ERBB4: variants seen among roughly 807,000 people sequenced by gnomAD.
ERBB4 encodes the protein receptor tyrosine-protein kinase erbB-4.
ERBB4 carries 42 observed loss-of-function variants against 158.0 expected under a neutral mutation model. The ratio of observed to expected loss-of-function variants is 0.27; its 90% CI spans 0.21 to 0.34. The LOEUF is 0.34. ERBB4 is among the 10% of genes least tolerant of loss of function. The probability of loss-of-function intolerance (pLI) is 1.00; values close to 1 mark genes in which losing one functional copy is unlikely to be tolerated. For synonymous variants in ERBB4, 583 were observed against 558.7 expected (o/e 1.04, Z -0.61); for missense variants, 1,333 against 1,624.1 (o/e 0.82, Z 3.08).
At position 212,538,649 on chromosome 2, in the gene ERBB4, GC is replaced by G; in HGVS notation, c.-120del. 9.9e-7 allele frequency: 1 copy of G among 1,011,860 alleles called. No homozygotes were observed. Among genetic ancestry groups the G allele is most frequent in the Admixed American group, 2.0e-5 (1 of 49,098 alleles). The allele number at this position is 1,011,860 out of a possible 1,614,324, so 62.7% of individuals were successfully genotyped here. Reference sequence around the variant, plus strand: ...GCGTGGGGGTGCGAGGGGGGCGGGCGCGGCGCGCGCGGTGTGGCGACTCCCA... The same window carrying G: ...GCGTGGGGGTGCGAGGGGGGCGGGCGGGCGCGCGCGGTGTGGCGACTCCCA... On this transcript the variant is annotated 5_prime_UTR_variant, in exon 1 of 28. Coordinates refer to ENST00000342788, the MANE Select transcript of ERBB4 (RefSeq NM_005235.3).
At chr2:211,705,259 T>G (rs1401272393) in intron 10 of ERBB4, 59 bp downstream of exon 10, 1 of 1,222,906 alleles carries the variant, frequency 8.2e-7, no homozygotes, top group Non-Finnish European at 1.2e-6. Context: ...GTCAATCTTG[T>G]GTAATTTTTA....
intron 19 of ERBB4, among the ~76,000 whole-genome samples, chr2:211,577,630 A>G (rs892783832): frequency 1.3e-5 from 2 of 152,164 alleles, no homozygotes; most frequent in African/African-American, 4.8e-5. Context: ...AACTGACTTC[A>G]TCCTTGGGAT....
At chr2:211,976,818 G>A (rs941416119) in intron 2 of ERBB4, among the ~76,000 whole-genome samples, 1 of 151,862 alleles carries the variant, frequency 6.6e-6, no homozygotes, top group African/African-American at 2.4e-5. Flanking sequence ...TTAAACTCAG[G>A]GCAAGCATCT....
intron 1 of ERBB4, among the ~76,000 whole-genome samples, chr2:212,206,368 T>A (rs1316434854): frequency 1.3e-5 from 2 of 152,180 alleles, no homozygotes; most frequent in South Asian, 2.1e-4. Context: ...ATTATGTAGT[T>A]ACATTTGTAA....
intron 2 of ERBB4, among the ~76,000 whole-genome samples, chr2:211,990,788 C>T (rs999101381): frequency 4.0e-5 from 6 of 151,656 alleles, no homozygotes; most frequent in Non-Finnish European, 7.4e-5. Flanking sequence ...GAAGACAAAA[C>T]GTAAGAAGTA....
chr2:211,441,281 C>G (rs151058726), intron 20 of ERBB4, among the ~76,000 whole-genome samples: 1 of 152,152 alleles, frequency 6.6e-6, no homozygotes, highest in African/African-American at 2.4e-5. Context: ...CTAATATTAC[C>G]ATAGAAGTAC....
chr2:211,474,541 T>C (rs894687975), intron 20 of ERBB4, among the ~76,000 whole-genome samples: 1 of 152,054 alleles, frequency 6.6e-6, no homozygotes, highest in African/African-American at 2.4e-5. Context: ...ATTTATGACT[T>C]GGGCTCTTGC....
chr2:211,648,286 T>G (rs1158890025), intron 16 of ERBB4, among the ~76,000 whole-genome samples: 1 of 151,780 alleles, frequency 6.6e-6, no homozygotes, highest in East Asian at 1.9e-4. Context: ...ATTGGTTGTA[T>G]TTTTCTTTTC....
At chr2:211,482,072 T>C (rs898153715) in intron 20 of ERBB4, among the ~76,000 whole-genome samples, 1 of 151,990 alleles carries the variant, frequency 6.6e-6, no homozygotes, top group African/African-American at 2.4e-5. Flanking sequence ...AAAACTGGAA[T>C]CCCAGAGAAG....
At chr2:211,852,498 A>G (rs543257717) in intron 3 of ERBB4, among the ~76,000 whole-genome samples, 1 of 152,018 alleles carries the variant, frequency 6.6e-6, no homozygotes, top group Admixed American at 6.6e-5. Context: ...TGGTTCTTGG[A>G]AACTGTGACT....
intron 25 of ERBB4, among the ~76,000 whole-genome samples, chr2:211,388,935 C>T (rs2062743161): frequency 6.6e-6 from 1 of 152,170 alleles, no homozygotes; most frequent in African/African-American, 2.4e-5. Flanking sequence ...AACACAGACC[C>T]AAATCGCTTG....
chr2:212,522,248 G>C (rs953613104), intron 1 of ERBB4, among the ~76,000 whole-genome samples: 2 of 151,902 alleles, frequency 1.3e-5, no homozygotes, highest in African/African-American at 4.8e-5. Flanking sequence ...GGATGGTAGT[G>C]TCCATATTGT....
intron 1 of ERBB4, among the ~76,000 whole-genome samples, chr2:212,133,212 C>G (rs1480769733): frequency 1.3e-5 from 2 of 152,020 alleles, no homozygotes; most frequent in Non-Finnish European, 2.9e-5. Flanking sequence ...CACTCCCCTA[C>G]TGAGAACAAC....
intron 20 of ERBB4, among the ~76,000 whole-genome samples, chr2:211,470,772 C>T (rs2064810187): frequency 6.6e-6 from 1 of 152,196 alleles, no homozygotes; most frequent in African/African-American, 2.4e-5. Context: ...TTCTACACAT[C>T]TCATTTTAAG....
intron 20 of ERBB4, among the ~76,000 whole-genome samples, chr2:211,471,003 T>G (rs553269878): frequency 6.6e-6 from 1 of 152,306 alleles, no homozygotes; most frequent in South Asian, 2.1e-4. Context: ...GTTATATCCC[T>G]TAACTGCACT....
chr2:211,458,046 T>C (rs2064427376), intron 20 of ERBB4, among the ~76,000 whole-genome samples: 1 of 143,148 alleles, frequency 7.0e-6, no homozygotes, highest in South Asian at 2.4e-4. Context: ...ATCAGTGCAA[T>C]AGATATATTT....
intron 1 of ERBB4, among the ~76,000 whole-genome samples, chr2:212,210,123 T>C (rs1326379173): frequency 6.6e-6 from 1 of 151,294 alleles, no homozygotes; most frequent in Non-Finnish European, 1.5e-5. Flanking sequence ...CATCATGTTG[T>C]GCATAGATAT....
At chr2:212,150,167 T>C (rs1037455544) in intron 1 of ERBB4, among the ~76,000 whole-genome samples, 1 of 152,090 alleles carries the variant, frequency 6.6e-6, no homozygotes, top group African/African-American at 2.4e-5. Context: ...CAAGAAATCC[T>C]CCAAAATTAA....
chr2:211,527,672 G>A (rs1421295962), intron 20 of ERBB4, among the ~76,000 whole-genome samples: 1 of 151,970 alleles, frequency 6.6e-6, no homozygotes, highest in African/African-American at 2.4e-5. Context: ...AGTATAATAA[G>A]ATATAAATAG....
Sources: allele counts gnomAD v4.1 joint callset (sites outside exome capture counted in the v4.1 genomes callset), GRCh38; gene constraint gnomAD v4.1.1; transcripts MANE v1.5; gene names NCBI Gene and HGNC (gene_info 2026-07-23, HGNC 2026-07-21).